Variants in CTNNBL1 observed in about 807,000 individuals in gnomAD.
CTNNBL1 encodes beta-catenin-like protein 1.
In CTNNBL1, 31 loss-of-function variants were observed where a neutral mutation model predicts 72.7. The observed-to-expected ratio is 0.43, with a 90% CI of 0.32 to 0.58. The LOEUF (loss-of-function observed/expected upper bound fraction) is 0.58, where lower values mean the gene tolerates loss of function less well. Among genes scored for constraint, CTNNBL1 ranks in the 20% least tolerant of loss-of-function variants. The pLI, the probability that CTNNBL1 is intolerant of heterozygous loss-of-function variation, is 0.08. For synonymous variants in CTNNBL1, 240 were observed against 267.3 expected, an observed-to-expected ratio of 0.90 and a Z score of 1.00; for missense variants, 534 against 725.1, an observed-to-expected ratio of 0.74 and a Z score of 3.03.
intron 10 of CTNNBL1, among the ~76,000 whole-genome samples, chr20:37,800,714 G>T (rs1204352042): frequency 6.6e-6 from 1 of 152,018 alleles, no homozygotes; most frequent in Non-Finnish European, 1.5e-5. Flanking sequence ...ATGTTGAATT[G>T]CATCCACTTT....
intron 1 of CTNNBL1, among the ~76,000 whole-genome samples, chr20:37,722,996 T>C (rs2073053852): frequency 6.6e-6 from 1 of 152,232 alleles, no homozygotes; most frequent in African/African-American, 2.4e-5. Flanking sequence ...AAATTGGAGA[T>C]AGTTTGCCTT....
intron 1 of CTNNBL1, among the ~76,000 whole-genome samples, chr20:37,728,254 A>G (rs2073101727): frequency 6.6e-6 from 1 of 152,236 alleles, no homozygotes; most frequent in South Asian, 2.1e-4. Context: ...TGAAAAAAAG[A>G]ATGTAAAATA....
intron 5 of CTNNBL1, among the ~76,000 whole-genome samples, chr20:37,760,994 A>C (rs1052911121): frequency 2.0e-5 from 3 of 152,180 alleles, no homozygotes; most frequent in Non-Finnish European, 2.9e-5. Context: ...GTTTAAAAAA[A>C]AAAAAAAAGG....
At chr20:37,852,328 C>T (rs888598895) in intron 13 of CTNNBL1, among the ~76,000 whole-genome samples, 4 of 152,150 alleles carry the variant, frequency 2.6e-5, no homozygotes, top group South Asian at 2.1e-4. Flanking sequence ...TTGAAGCGTA[C>T]GTGATTTGCA....
intron 15 of CTNNBL1, among the ~76,000 whole-genome samples, chr20:37,866,775 T>C (rs2072540247): frequency 6.6e-6 from 1 of 152,094 alleles, no homozygotes; most frequent in Admixed American, 6.5e-5. Flanking sequence ...GCCTCCAAAG[T>C]TAAAATGCAG....
intron 1 of CTNNBL1, among the ~76,000 whole-genome samples, chr20:37,709,590 T>C (rs976205240): frequency 7.2e-5 from 11 of 152,200 alleles, no homozygotes; most frequent in Non-Finnish European, 1.5e-4. Context: ...GGGGAAACTT[T>C]TGAGCATCTC....
intron 10 of CTNNBL1, among the ~76,000 whole-genome samples, chr20:37,793,928 G>A (rs2073747210): frequency 6.6e-6 from 1 of 152,014 alleles, no homozygotes; most frequent in African/African-American, 2.4e-5. Context: ...CTACAGGCAT[G>A]TGCCACCACG....
chr20:37,855,739 A>G lies in CTNNBL1; in HGVS notation c.1393-4160A>G, dbSNP rs868850483. On this transcript the variant is annotated intron_variant, in intron 13 of 15. Coordinates refer to ENST00000361383, the MANE Select transcript of CTNNBL1 (RefSeq NM_030877.5). ...ACATTTTCCTGCACAGTGCTGGCTG[A>G]CACTCTGTAGCCCATCATATCTGAC... is the stretch of plus-strand genomic sequence containing the variant. 2.6e-5 allele frequency among the ~76,000 whole-genome samples: 4 copies of G among 152,190 alleles called. No individual in the cohort carries two copies. In the South Asian group the frequency reaches 8.3e-4, roughly 32 times the overall value.
rs6013067 is a variant in CTNNBL1 at position 37,790,162 on chromosome 20, C to T, written c.1031+10827C>T. 3.4e-3 allele frequency among the ~76,000 whole-genome samples: 517 copies of T among 152,240 alleles called. 7 individuals are homozygous for T. The highest frequency in any genetic ancestry group is 0.011 in the African/African-American group (448 of 41,548). ...GTATAATATGTGCAGAGTAAGTTTT[C>T]GCAGGCCCAATTCTGGACTGTGAGC... On this transcript the variant is annotated intron_variant, in intron 10 of 15. Transcript: ENST00000361383.
At chr20:37,737,531 T>C in intron 3 of CTNNBL1, 47 bp downstream of exon 3, 5 of 1,315,570 alleles carry the variant, frequency 3.8e-6, no homozygotes, top group Non-Finnish European at 5.3e-6. Flanking sequence ...TGGCGTTTCG[T>C]TGGCTAATTT....
At chr20:37,833,020 T>A (rs2072224648) in intron 11 of CTNNBL1, among the ~76,000 whole-genome samples, 1 of 152,188 alleles carries the variant, frequency 6.6e-6, no homozygotes, top group African/African-American at 2.4e-5. Flanking sequence ...TGTATGTGTT[T>A]CGGGAGGGTA....
intron 4 of CTNNBL1, among the ~76,000 whole-genome samples, chr20:37,754,577 A>C (rs2073347570): frequency 6.6e-6 from 1 of 152,146 alleles, no homozygotes; most frequent in African/African-American, 2.4e-5. Flanking sequence ...GGGAGGTGTT[A>C]ACATTTTATT....
rs192737507 is a variant in CTNNBL1, at chr20:37,739,569, G to A, written c.326+2085G>A. Among the ~76,000 whole-genome samples the A allele has an allele frequency of 1.3e-3, 203 of 152,246 alleles. 1 individual carries two copies. Among genetic ancestry groups the A allele is most frequent in the African/African-American group, 4.5e-3 (186 of 41,542 alleles). ...TTTGAATTCCCAGATTGAAGGGTAT[G>A]TACATTTTAATGATAGCTACTGCCA... On this transcript the variant is annotated intron_variant, in intron 3 of 15. Coordinates refer to ENST00000361383, the MANE Select transcript of CTNNBL1 (RefSeq NM_030877.5).
intron 15 of CTNNBL1, among the ~76,000 whole-genome samples, chr20:37,862,058 A>G (rs1398440074): frequency 6.6e-6 from 1 of 152,152 alleles, no homozygotes; most frequent in Non-Finnish European, 1.5e-5. Context: ...TTGTAGATGG[A>G]GAGTATGAGG....
chr20:37,810,251 T>A (rs1600502282), intron 11 of CTNNBL1, among the ~76,000 whole-genome samples: 1 of 152,180 alleles, frequency 6.6e-6, no homozygotes, highest in Non-Finnish European at 1.5e-5. Context: ...GGTGAGGGAC[T>A]CATGCTGTGT....
At position 37,811,126 on chromosome 20, in the gene CTNNBL1, A is replaced by T. The variant is rs139407516; in HGVS notation, c.1213+8078A>T. On this transcript the variant is annotated intron_variant, in intron 11 of 15. Coordinates refer to ENST00000361383, the MANE Select transcript of CTNNBL1 (RefSeq NM_030877.5). ...AGAACTTCTTTTCCTTCCTGAATCT[A>T]CCAGTCCTAGAGGCGGGCTGTAAAT... is the stretch of plus-strand genomic sequence containing the variant. Among the ~76,000 whole-genome samples the T allele has an allele frequency of 2.0e-4, 30 of 152,274 alleles. No homozygotes were observed. The East Asian group carries it at 4.1e-3, about 21-fold the overall frequency.
At chr20:37,694,572 C>A (rs188121547) in intron 1 of CTNNBL1, among the ~76,000 whole-genome samples, 2 of 152,102 alleles carry the variant, frequency 1.3e-5, no homozygotes, top group Non-Finnish European at 2.9e-5. Context: ...ACAAGTCATT[C>A]CCCCCCTCTT....
chr20:37,869,478 C>T (rs2072564689), intron 15 of CTNNBL1, among the ~76,000 whole-genome samples: 1 of 152,258 alleles, frequency 6.6e-6, no homozygotes, highest in South Asian at 2.1e-4. Context: ...TGCAGGAGAT[C>T]CTTCAGCACG....
chr20:37,766,021 G>T (rs1427857250), intron 6 of CTNNBL1, among the ~76,000 whole-genome samples: 1 of 152,152 alleles, frequency 6.6e-6, no homozygotes, highest in Non-Finnish European at 1.5e-5. Flanking sequence ...ACAAGGCCCA[G>T]TGGAAGCAGA....
Sources: gnomAD v4.1 joint callset for allele counts (sites outside exome capture counted in the v4.1 genomes callset) on GRCh38, gnomAD v4.1.1 for gene constraint, MANE v1.5 for transcripts, NCBI Gene and HGNC (gene_info 2026-07-23, HGNC 2026-07-21) for gene names.